DLGAP2: variants seen among roughly 807,000 people sequenced by gnomAD.
The protein encoded by DLGAP2 is DLG associated protein 2.
A neutral mutation model predicts 100.3 loss-of-function variants in DLGAP2; 26 were observed. The ratio of observed to expected loss-of-function variants is 0.26; its 90% CI spans 0.19 to 0.36. DLGAP2 has a LOEUF of 0.36. DLGAP2 is among the 10% of genes least tolerant of loss of function. The probability of loss-of-function intolerance (pLI) is 1.00; values close to 1 mark genes in which losing one functional copy is unlikely to be tolerated. For synonymous variants in DLGAP2, 886 were observed against 630.1 expected (o/e 1.41, Z -6.08); for missense variants, 1,858 against 1,453.2 (o/e 1.28, Z -4.53).
At chr8:1,529,805 A>G (rs993541679) in intron 4 of DLGAP2, among the ~76,000 whole-genome samples, 7 of 152,228 alleles carry the variant, frequency 4.6e-5, no homozygotes, top group Non-Finnish European at 7.3e-5. Context: ...ACAGACTACA[A>G]AAGAGAGAAA....
At chr8:1,467,889 C>G (rs748667002) in intron 3 of DLGAP2, among the ~76,000 whole-genome samples, 1 of 152,332 alleles carries the variant, frequency 6.6e-6, no homozygotes, top group South Asian at 2.1e-4. Context: ...GGTCAGGAGG[C>G]CACCACATCA....
intron 2 of DLGAP2, among the ~76,000 whole-genome samples, chr8:1,108,106 T>G (rs1340697569): frequency 6.6e-6 from 1 of 152,134 alleles, no homozygotes; most frequent in Non-Finnish European, 1.5e-5. Context: ...TTTCCAACCA[T>G]GTGAAAGGAT....
chr8:744,915 G>A (rs1006404067), intron 1 of DLGAP2, among the ~76,000 whole-genome samples: 8 of 152,152 alleles, frequency 5.3e-5, no homozygotes, highest in African/African-American at 1.9e-4. Context: ...ACTGGGTCCC[G>A]GCTTCCCCAT....
chr8:1,292,963 C>G (rs545923410), intron 3 of DLGAP2, among the ~76,000 whole-genome samples: 1 of 152,296 alleles, frequency 6.6e-6, no homozygotes, highest in South Asian at 2.1e-4. Flanking sequence ...GCGTGTCCGT[C>G]TCCCCCAGAG....
intron 4 of DLGAP2, among the ~76,000 whole-genome samples, chr8:1,503,674 G>A (rs940717069): frequency 2.0e-5 from 3 of 152,116 alleles, no homozygotes; most frequent in Admixed American, 6.5e-5. Flanking sequence ...ATGCTTCCTC[G>A]TTTTGAGGAA....
intron 12 of DLGAP2, among the ~76,000 whole-genome samples, chr8:1,689,880 T>A (rs907933079): frequency 6.6e-6 from 1 of 152,174 alleles, no homozygotes; most frequent in African/African-American, 2.4e-5. Context: ...CTGGGCACGC[T>A]CTATGGAAGA....
At chr8:1,480,234 G>T (rs113733406) in intron 3 of DLGAP2, among the ~76,000 whole-genome samples, 1 of 152,124 alleles carries the variant, frequency 6.6e-6, no homozygotes, top group Admixed American at 6.5e-5. Context: ...TAGGTTTTCA[G>T]TCTCCAAAAG....
At chr8:1,199,890 C>G (rs1313167295) in intron 2 of DLGAP2, among the ~76,000 whole-genome samples, 1 of 152,082 alleles carries the variant, frequency 6.6e-6, no homozygotes, top group East Asian at 1.9e-4. Context: ...AGTGTGATCT[C>G]TACACCGCCC....
At chr8:1,099,214 G>A (rs767164090) in intron 2 of DLGAP2, among the ~76,000 whole-genome samples, 11 of 152,182 alleles carry the variant, frequency 7.2e-5, no homozygotes, top group Non-Finnish European at 1.0e-4. Context: ...CTCTCCGAAT[G>A]CGTAGTAACT....
chr8:1,254,938 C>G (rs13264749), intron 2 of DLGAP2, among the ~76,000 whole-genome samples: 3,448 of 73,902 alleles, frequency 0.047, 188 homozygotes, highest in African/African-American at 0.13. Flanking sequence ...TGTGCCCTCT[C>G]CTGCCCGGGT....
chr8:1,162,103 A>C (rs947144172), intron 2 of DLGAP2, among the ~76,000 whole-genome samples: 2 of 152,210 alleles, frequency 1.3e-5, no homozygotes, highest in Non-Finnish European at 2.9e-5. Flanking sequence ...TAATGCCCGT[A>C]AGCCCGTGGG....
At chr8:1,064,019 G>C (rs1241085215) in intron 2 of DLGAP2, among the ~76,000 whole-genome samples, 2 of 152,292 alleles carry the variant, frequency 1.3e-5, no homozygotes, top group East Asian at 1.9e-4. Flanking sequence ...TGGTTCTCCA[G>C]AAGAGCAGTT....
chr8:1,340,566 A>T (rs1801395457), intron 3 of DLGAP2, among the ~76,000 whole-genome samples: 1 of 152,258 alleles, frequency 6.6e-6, no homozygotes, highest in East Asian at 1.9e-4. Flanking sequence ...GTTATTAAAA[A>T]GTGAAAACAT....
intron 4 of DLGAP2, among the ~76,000 whole-genome samples, chr8:1,504,106 T>C (rs1170049074): frequency 1.3e-5 from 2 of 151,598 alleles, no homozygotes; most frequent in African/African-American, 4.9e-5. Flanking sequence ...CAGGATCACT[T>C]GGGGAAAGTT....
At chr8:1,609,203 C>T (rs373194861) in intron 6 of DLGAP2, among the ~76,000 whole-genome samples, 1 of 141,208 alleles carries the variant, frequency 7.1e-6, no homozygotes, top group African/African-American at 2.5e-5. Context: ...CGGCAGAAAC[C>T]CTACAAGCCA....
At chr8:1,314,149 C>G (rs1030028341) in intron 3 of DLGAP2, among the ~76,000 whole-genome samples, 1 of 152,130 alleles carries the variant, frequency 6.6e-6, no homozygotes, top group Non-Finnish European at 1.5e-5. Context: ...TTCATAAAAT[C>G]CTATGAAACT....
At chr8:1,253,030 C>A (rs1227712880) in intron 2 of DLGAP2, among the ~76,000 whole-genome samples, 1 of 152,212 alleles carries the variant, frequency 6.6e-6, no homozygotes, top group Non-Finnish European at 1.5e-5. Context: ...CCTCATCCCG[C>A]TGTCCCTCCG....
intron 2 of DLGAP2, among the ~76,000 whole-genome samples, chr8:1,087,217 G>A (rs1224010260): frequency 6.6e-6 from 1 of 152,202 alleles, no homozygotes; most frequent in Non-Finnish European, 1.5e-5. Flanking sequence ...CATATGAGAT[G>A]CAGCAAAAGC....
intron 4 of DLGAP2, among the ~76,000 whole-genome samples, chr8:1,507,343 C>A (rs144768128): frequency 0.01 from 1,529 of 152,312 alleles, 22 homozygotes; most frequent in African/African-American, 0.035. Flanking sequence ...CGTGCAGCGC[C>A]GGTGGGCCAG....
Sources: gnomAD v4.1 joint callset for allele counts (sites outside exome capture counted in the v4.1 genomes callset) on GRCh38, gnomAD v4.1.1 for gene constraint, MANE v1.5 for transcripts, NCBI Gene and HGNC (gene_info 2026-07-23, HGNC 2026-07-21) for gene names.